The following TMEM266 variants were observed in gnomAD, a reference collection of about 807,000 sequenced individuals.
TMEM266 encodes transmembrane protein 266.
In TMEM266, 33 loss-of-function variants were observed where a neutral mutation model predicts 50.5. The ratio of observed to expected loss-of-function variants is 0.65; its 90% CI spans 0.50 to 0.87. TMEM266 has a LOEUF of 0.87. Among genes scored for constraint, TMEM266 ranks in the 40% least tolerant of loss-of-function variants. TMEM266 has a pLI of 0.00. For missense variants in TMEM266, 655 were observed against 695.1 expected, an observed-to-expected ratio of 0.94 and a Z score of 0.65; for synonymous variants, 310 against 292.3, an observed-to-expected ratio of 1.06 and a Z score of -0.62.
intron 3 of TMEM266, among the ~76,000 whole-genome samples, chr15:76,152,593 G>A (rs550690646): frequency 2.6e-5 from 4 of 152,228 alleles, no homozygotes; most frequent in Admixed American, 1.3e-4. Flanking sequence ...GAGGTACTTC[G>A]GGGCTGAATA....
chr15:76,156,189 C>T (rs960707093), intron 3 of TMEM266, among the ~76,000 whole-genome samples: 1 of 152,076 alleles, frequency 6.6e-6, no homozygotes, highest in Non-Finnish European at 1.5e-5. Context: ...GATGAAACCC[C>T]ATCTCTACAA....
chr15:76,147,072 C>CTGTTTGGAG (rs1169023873), intron 3 of TMEM266, among the ~76,000 whole-genome samples: 1 of 152,146 alleles, frequency 6.6e-6, no homozygotes, highest in Non-Finnish European at 1.5e-5. Context: ...AAGCCCAGTT[C>CTGTTTGGAG]TGTTTGGAGT....
chr15:76,097,800 C>T lies in TMEM266; in HGVS notation c.-96-36368C>T, dbSNP rs955786679. 3.3e-5 allele frequency among the ~76,000 whole-genome samples: 5 copies of T among 151,866 alleles called. 1 individual carries two copies. Among genetic ancestry groups the T allele is most frequent in the Non-Finnish European group, 5.9e-5 (4 of 67,950 alleles). ...ATATTTCTTGGAGGCTTTGTTTATT[C>T]CTTTTTATTCTTTTTTCTCTAATCT... On this transcript the variant is annotated intron_variant, in intron 1 of 10. Coordinates refer to ENST00000388942, the MANE Select transcript of TMEM266 (RefSeq NM_152335.3).
chr15:76,086,431 T>C (rs2036777791), intron 1 of TMEM266, among the ~76,000 whole-genome samples: 1 of 152,216 alleles, frequency 6.6e-6, no homozygotes, highest in Non-Finnish European at 1.5e-5. Flanking sequence ...TATATCTTTG[T>C]TACCAGTGGA....
intron 1 of TMEM266, among the ~76,000 whole-genome samples, chr15:76,062,997 T>C (rs2036333031): frequency 6.6e-6 from 1 of 152,222 alleles, no homozygotes; most frequent in Admixed American, 6.5e-5. Context: ...GGATATTTGT[T>C]TTTCCTTGAT....
chr15:76,126,688 C>T (rs1356391880), intron 1 of TMEM266, among the ~76,000 whole-genome samples: 1 of 151,788 alleles, frequency 6.6e-6, no homozygotes, highest in African/African-American at 2.4e-5. Context: ...CCCACCATGC[C>T]CGGCTAATTT....
At chr15:76,065,824 G>A (rs765379705) in intron 1 of TMEM266, among the ~76,000 whole-genome samples, 3 of 152,038 alleles carry the variant, frequency 2.0e-5, no homozygotes, top group Admixed American at 2.0e-4. Context: ...TCTGGCTCTC[G>A]TTTAGTTTGT....
At chr15:76,137,162 C>A (rs12443152) in intron 2 of TMEM266, among the ~76,000 whole-genome samples, 29,474 of 152,048 alleles carry the variant, frequency 0.19, 3,304 homozygotes, top group East Asian at 0.43. Flanking sequence ...AGCCTCCTGT[C>A]CTCACCACCC....
intron 5 of TMEM266, among the ~76,000 whole-genome samples, chr15:76,164,786 G>C (rs911779147): frequency 6.6e-6 from 1 of 152,192 alleles, no homozygotes; most frequent in African/African-American, 2.4e-5. Flanking sequence ...ACCCACTGCC[G>C]ACAGTGTTGG....
At chr15:76,117,759 G>T (rs1045215708) in intron 1 of TMEM266, among the ~76,000 whole-genome samples, 4 of 152,198 alleles carry the variant, frequency 2.6e-5, no homozygotes, top group African/African-American at 9.6e-5. Flanking sequence ...TCAGCAGAAG[G>T]AGAGGAGACT....
At chr15:76,076,630 C>T (rs2036611630) in intron 1 of TMEM266, among the ~76,000 whole-genome samples, 1 of 152,046 alleles carries the variant, frequency 6.6e-6, no homozygotes, top group South Asian at 2.1e-4. Context: ...ATGATACTCA[C>T]AGGCAGAGCA....
chr15:76,191,924 C>T (rs762175137), intron 8 of TMEM266, 44 bp from the exon 9 acceptor site: 2 of 1,518,186 alleles, frequency 1.3e-6, no homozygotes. Context: ...AGGCCCCCGC[C>T]GGCCCCTCGC....
chr15:76,187,963 G>A (rs1470980924), intron 8 of TMEM266, among the ~76,000 whole-genome samples: 1 of 152,154 alleles, frequency 6.6e-6, no homozygotes, highest in African/African-American at 2.4e-5. Context: ...TTCTCCTGGG[G>A]GTGGAGGGTG....
intron 3 of TMEM266, 33 bp from the exon 4 acceptor site, chr15:76,156,571 G>A (rs763490507): frequency 2.3e-5 from 37 of 1,610,566 alleles, no homozygotes; most frequent in African/African-American, 5.3e-5. Flanking sequence ...CTCCCACTCT[G>A]AGCCTCTCTT....
At chr15:76,135,592 C>T (rs138389967) in intron 2 of TMEM266, among the ~76,000 whole-genome samples, 2 of 152,346 alleles carry the variant, frequency 1.3e-5, no homozygotes, top group Admixed American at 6.5e-5. Flanking sequence ...TGGGAACCAT[C>T]TGGGGGAGCT....
intron 1 of TMEM266, among the ~76,000 whole-genome samples, chr15:76,061,837 C>T (rs566787515): frequency 5.6e-4 from 86 of 152,324 alleles, no homozygotes; most frequent in Admixed American, 1.4e-3. Context: ...CTGCCCTTCA[C>T]ACTATCTTCT....
chr15:76,071,864 G>A (rs538014206), intron 1 of TMEM266, among the ~76,000 whole-genome samples: 6 of 152,076 alleles, frequency 3.9e-5, no homozygotes, highest in Non-Finnish European at 8.8e-5. Flanking sequence ...GAGGAGCTTT[G>A]AACTGGGTGT....
intron 9 of TMEM266, among the ~76,000 whole-genome samples, chr15:76,196,216 C>T (rs1197933682): frequency 6.6e-6 from 1 of 152,152 alleles, no homozygotes; most frequent in Non-Finnish European, 1.5e-5. Context: ...GCTTCTCCGT[C>T]CAGCCCTGGG....
At chr15:76,111,658 T>C (rs911021605) in intron 1 of TMEM266, among the ~76,000 whole-genome samples, 1 of 152,190 alleles carries the variant, frequency 6.6e-6, no homozygotes, top group African/African-American at 2.4e-5. Context: ...TCCACCCGCC[T>C]CAGCCTCCCA....
Sources: allele counts gnomAD v4.1 joint callset (sites outside exome capture counted in the v4.1 genomes callset), GRCh38; gene constraint gnomAD v4.1.1; transcripts MANE v1.5; gene names NCBI Gene and HGNC (gene_info 2026-07-23, HGNC 2026-07-21).